PIK3R1: variants seen among roughly 807,000 people sequenced by gnomAD.
PIK3R1 encodes the protein phosphoinositide-3-kinase regulatory subunit 1, also known as phosphatidylinositol 3-kinase regulatory subunit alpha.
In PIK3R1, 29 loss-of-function variants were observed where a neutral mutation model predicts 98.0. The ratio of observed to expected loss-of-function variants is 0.30; its 90% CI spans 0.22 to 0.40. PIK3R1 has a LOEUF of 0.40. Among genes scored for constraint, PIK3R1 ranks in the 10% least tolerant of loss-of-function variants. The pLI, the probability that PIK3R1 is intolerant of heterozygous loss-of-function variation, is 1.00. For missense variants in PIK3R1, 596 were observed against 872.7 expected, an observed-to-expected ratio of 0.68 and a Z score of 3.99; for synonymous variants, 282 against 311.8, an observed-to-expected ratio of 0.90 and a Z score of 1.01.
intron 2 of PIK3R1, among the ~76,000 whole-genome samples, chr5:68,263,207 A>C (rs1289099012): frequency 7.6e-6 from 1 of 131,096 alleles, no homozygotes; most frequent in Non-Finnish European, 1.6e-5. Flanking sequence ...ATATATCTAT[A>C]TATATATTTC....
Position 68,237,472 on chromosome 5 carries a change from T to C in PIK3R1, c.334+10463T>C, listed in dbSNP as rs551233682. The stretch of plus-strand genomic sequence containing the variant: ...AGGGAAAGGCACAGGTGAATTTTAT[T>C]TTCAGATGTCTAATAGGACAGTGTG... On this transcript the variant is annotated intron_variant, in intron 2 of 15. Transcript: ENST00000521381. Among the ~76,000 whole-genome samples the C allele has an allele frequency of 2.1e-3, 322 of 152,232 alleles. 1 individual carries two copies. Among genetic ancestry groups the C allele is most frequent in the Middle Eastern group, 6.8e-3 (2 of 294 alleles).
intron 2 of PIK3R1, among the ~76,000 whole-genome samples, chr5:68,253,738 T>C (rs1039188366): frequency 4.6e-5 from 7 of 152,204 alleles, no homozygotes; most frequent in African/African-American, 1.2e-4. Context: ...AGCTTGGGGA[T>C]TGGCGAAATC....
rs71305021 is a variant in PIK3R1 at position 68,289,759 on chromosome 5, C to CAAAAAAAA, written c.917-2480_917-2473dup. Among the ~76,000 whole-genome samples, 51 of 51,880 alleles carry CAAAAAAAA rather than the reference C, an allele frequency of 9.8e-4. 6 individuals carry two copies. The highest frequency in any genetic ancestry group is 1.4e-3 in the Non-Finnish European group (36 of 26,484). 34.0% of individuals were successfully genotyped at this position (51,880 alleles called of 152,430 possible). A position where few individuals can be genotyped will look rare whatever the true frequency, so the allele number is the denominator to read the frequency against. ...GGCATTTGAGATAGAGGGGGAAAAG[C>CAAAAAAAA]AAAAAAAAAAAAAAAAAAAAAAAAA... On this transcript the variant is annotated intron_variant, in intron 7 of 15. Coordinates refer to ENST00000521381, the MANE Select transcript of PIK3R1 (RefSeq NM_181523.3).
In PIK3R1 at chr5:68,301,051, T is replaced by C. The variant is rs1245421314; in HGVS notation, c.*3450T>C. The stretch of plus-strand genomic sequence containing the variant: ...TGATGTTCCTTTGGAAGAAAAAATC[T>C]GCTGGTTTTAACAACTGTGCTTTTG... On this transcript the variant is annotated 3_prime_UTR_variant, in exon 16 of 16. Transcript: ENST00000521381. The C allele has an allele frequency of 8.6e-6, 2 of 232,096 alleles. No homozygotes were observed. Among genetic ancestry groups the C allele is most frequent in the Non-Finnish European group, 1.7e-5 (2 of 117,230 alleles). 14.4% of individuals were successfully genotyped at this position (232,096 alleles called of 1,614,324 possible). A position where few individuals can be genotyped will look rare whatever the true frequency, so the allele number is the denominator to read the frequency against.
chr5:68,262,547 TA>T lies in PIK3R1; in HGVS notation c.335-10841del, dbSNP rs1561277859. ...ATACATAGCTATATAGATACATATC[TA>T]ATGTATACATGTATACACATGTACC... On this transcript the variant is annotated intron_variant, in intron 2 of 15. Coordinates refer to ENST00000521381, the MANE Select transcript of PIK3R1 (RefSeq NM_181523.3). Among the ~76,000 whole-genome samples the T allele has an allele frequency of 5.1e-3, 81 of 15,828 alleles. 3 individuals carry two copies. The highest frequency in any genetic ancestry group is 0.039 in the African/African-American group (76 of 1,952). The allele number at this position is 15,828 out of a possible 152,430, so 10.4% of individuals were successfully genotyped here. A position where few individuals can be genotyped will look rare whatever the true frequency, so the allele number is the denominator to read the frequency against.
Position 68,293,811 on chromosome 5 carries a change from G to T in PIK3R1, c.1402G>T (p.Glu468Ter), listed in dbSNP as rs2112264193. 1 of 1,581,442 alleles carries T rather than the reference G, an allele frequency of 6.3e-7. No homozygotes were observed. Among genetic ancestry groups the T allele is most frequent in the South Asian group, 1.2e-5 (1 of 85,188 alleles). The change falls in exon 11 of 16, where the codon GAA becomes TAA. Residue 468 changes from glutamate (E) to a stop codon, truncating the protein, a stop_gained. Coordinates refer to ENST00000521381, the MANE Select transcript of PIK3R1 (RefSeq NM_181523.3). LOFTEE classifies it high-confidence loss of function. ...EKSREYDRLY[E>*]EYTRTSQEIQ... ...AAGTCGAGAATATGATAGATTATAT[G>T]AAGAATATACCCGCACATCCCAGGT... is the stretch of plus-strand genomic sequence containing the variant.
intron 4 of PIK3R1, among the ~76,000 whole-genome samples, chr5:68,276,835 G>A (rs1449062790): frequency 6.6e-6 from 1 of 152,134 alleles, no homozygotes; most frequent in African/African-American, 2.4e-5. Context: ...CTTGTGGATT[G>A]AGCCTTCTAG....
Position 68,295,149 on chromosome 5 carries a change from A to G in PIK3R1, c.1570A>G (p.Ile524Val). ...CAAATACGTTTCTTTTGCCTGCAGGATTATGCATAATTATGATAAGTTGAA... is the reference window on the plus strand; with the variant it reads ...CAAATACGTTTCTTTTGCCTGCAGGGTTATGCATAATTATGATAAGTTGAA... ...REGNEKEIQR[I>V]MHNYDKLKSR... The change falls in exon 13 of 16, where the codon ATT becomes GTT. Residue 524 changes from isoleucine (I) to valine (V), a missense_variant and splice_region_variant. Around this residue, in one of 3 missense-constraint regions of PIK3R1, gnomAD observed 207 missense variants for 361.4 expected, o/e 0.57. Coordinates refer to ENST00000521381, the MANE Select transcript of PIK3R1 (RefSeq NM_181523.3). 1 of 1,613,244 alleles carries G rather than the reference A, an allele frequency of 6.2e-7. No homozygotes were observed.
intron 2 of PIK3R1, chr5:68,239,776 CCAGTGA>C: frequency 4.4e-6 from 2 of 453,090 alleles, no homozygotes; most frequent in Admixed American, 2.7e-5. Flanking sequence ...CCCTGGCTTG[CCAGTGA>C]CGTGTGATGC....
chr5:68,295,860 A>G lies in PIK3R1; in HGVS notation c.1815-311A>G, dbSNP rs1004417006. The G allele has an allele frequency of 1.1e-4, 48 of 455,842 alleles. 2 individuals are homozygous for G. In the South Asian group the frequency reaches 1.4e-3, roughly 13 times the overall value. 28.2% of individuals were successfully genotyped at this position (455,842 alleles called of 1,614,324 possible). A position where few individuals can be genotyped will look rare whatever the true frequency, so the allele number is the denominator to read the frequency against. On this transcript the variant is annotated intron_variant, in intron 14 of 15. Coordinates refer to ENST00000521381, the MANE Select transcript of PIK3R1 (RefSeq NM_181523.3). The stretch of plus-strand genomic sequence containing the variant: ...CAAAAACTGGCAATCTGCCTAGTCA[A>G]TTTCCTGATCTAAACTGGATAAACG...
At chr5:68,272,813 T>C (rs543139581) in intron 2 of PIK3R1, among the ~76,000 whole-genome samples, 1 of 152,340 alleles carries the variant, frequency 6.6e-6, no homozygotes, top group East Asian at 1.9e-4. Flanking sequence ...ACTCAGCCCA[T>C]ACCTGGCATT....
At chr5:68,217,529 G>C (rs996032068) in intron 1 of PIK3R1, 2 of 152,148 alleles carry the variant, frequency 1.3e-5, no homozygotes, top group Admixed American at 1.3e-4. Flanking sequence ...AAACCGTTTA[G>C]AAGAAAGCAG....
intron 10 of PIK3R1, 108 bp from the exon 11 acceptor site, chr5:68,293,601 G>A (rs987372461): frequency 1.9e-5 from 22 of 1,158,414 alleles, no homozygotes; most frequent in South Asian, 1.5e-4. Context: ...CTTGACACTC[G>A]TAATTACATA....
chr5:68,296,722 A>G (rs536243320), intron 15 of PIK3R1, among the ~76,000 whole-genome samples: 12 of 152,248 alleles, frequency 7.9e-5, no homozygotes, highest in Middle Eastern at 3.4e-3. Flanking sequence ...AACATCACCC[A>G]TAGGAAAAAT....
chr5:68,292,187 A>AAGTATTCATCTAAAGAAATTTAGT, intron 7 of PIK3R1, 72 bp from the exon 8 acceptor site: 1 of 866,364 alleles, frequency 1.2e-6, no homozygotes, highest in East Asian at 2.4e-5. Context: ...TTTAAAGTAA[A>AAGTATTCATCTAAAGAAATTTAGT]AGTATTCATC....
rs563171094 is a variant in PIK3R1 at position 68,247,497 on chromosome 5, G to A, written c.334+20488G>A. On this transcript the variant is annotated intron_variant, in intron 2 of 15. Transcript: ENST00000521381. ...TGTAGAGATGGGGTTTCACCATGTT[G>A]CCTAGGCTGGTCTCAAGTGATCTGT... Among the ~76,000 whole-genome samples, 3 of 151,736 alleles carry A rather than the reference G, an allele frequency of 2.0e-5. No homozygotes were observed. The East Asian group carries it at 5.8e-4, about 30-fold the overall frequency.
At chr5:68,260,894 A>G (rs1745716814) in intron 2 of PIK3R1, among the ~76,000 whole-genome samples, 1 of 152,216 alleles carries the variant, frequency 6.6e-6, no homozygotes, top group South Asian at 2.1e-4. Context: ...GAAGTCACAG[A>G]AATGTTTTCA....
In PIK3R1 at chr5:68,299,586, G is replaced by T. The variant is rs1402934276; in HGVS notation, c.*1985G>T. On this transcript the variant is annotated 3_prime_UTR_variant, in exon 16 of 16. Transcript: ENST00000521381. ...AAGACTAATTAGCAACCATAATATG[G>T]TCACTACCCTAATAGACTAAATGAA... The T allele has an allele frequency of 4.3e-6, 1 of 233,010 alleles. No homozygotes were observed. Among genetic ancestry groups the T allele is most frequent in the Non-Finnish European group, 8.5e-6 (1 of 118,000 alleles). 14.4% of individuals were successfully genotyped at this position (233,010 alleles called of 1,614,324 possible).
rs1450727380 is a variant in PIK3R1 at position 68,226,735 on chromosome 5, A to C, written c.60A>C (p.Glu20Asp). 1 of 1,614,064 alleles carries C rather than the reference A, an allele frequency of 6.2e-7. No individual in the cohort carries two copies. Among genetic ancestry groups the C allele is most frequent in the Non-Finnish European group, 8.5e-7 (1 of 1,180,032 alleles). The change falls in exon 2 of 16, where the codon GAA becomes GAC. Residue 20 changes from glutamate to aspartate, a missense_variant. Transcript: ENST00000521381. ...ALYDYKKERE[E>D]DIDLHLGDIL... Reference sequence around the variant, plus strand: ...ATGATTATAAAAAGGAAAGAGAAGAAGATATTGACTTGCACTTGGGTGACA... The same window carrying C: ...ATGATTATAAAAAGGAAAGAGAAGACGATATTGACTTGCACTTGGGTGACA...
Sources: gnomAD v4.1 joint callset for allele counts (sites outside exome capture counted in the v4.1 genomes callset) on GRCh38, gnomAD v4.1.1 for gene constraint, gnomAD v4.1.1 regional missense constraint, MANE v1.5 for transcripts, NCBI Gene and HGNC (gene_info 2026-07-23, HGNC 2026-07-21) for gene names.